The following UGGT2 variants were observed in gnomAD, a reference collection of about 807,000 sequenced individuals.
The protein encoded by UGGT2 is UDP-glucose:glycoprotein glucosyltransferase 2.
UGGT2 carries 180 observed loss-of-function variants against 192.1 expected under a neutral mutation model. The observed-to-expected ratio is 0.94, with a 90% CI of 0.83 to 1.06. The LOEUF is 1.06. Ranked by LOEUF, UGGT2 falls within the 50% of genes least tolerant of loss-of-function variation. The probability of loss-of-function intolerance (pLI) is 0.00; values close to 1 mark genes in which losing one functional copy is unlikely to be tolerated. For synonymous variants in UGGT2, 580 were observed against 591.0 expected (o/e 0.98, Z 0.27); for missense variants, 1,849 against 1,795.7 (o/e 1.03, Z -0.54).
At chr13:96,019,906 G>A (rs1254009986) in intron 4 of UGGT2, among the ~76,000 whole-genome samples, 2 of 152,178 alleles carry the variant, frequency 1.3e-5, no homozygotes, top group Non-Finnish European at 2.9e-5. Flanking sequence ...AGCCCGAAGA[G>A]CCCACCAGCT....
intron 1 of UGGT2, among the ~76,000 whole-genome samples, chr13:96,039,390 G>A (rs949432104): frequency 8.6e-5 from 13 of 152,012 alleles, no homozygotes; most frequent in African/African-American, 2.2e-4. Context: ...ATCATTACAC[G>A]GATCCTCCCC....
rs188715197 is a variant in UGGT2 at position 95,856,559 on chromosome 13, G to A, written c.3826-219C>T. ...TATAAATAAAACTATATAATTTAAC[G>A]TCATTAAAAATAAGTGCACTATATT... On this transcript the variant is annotated intron_variant, in intron 33 of 38. Coordinates refer to ENST00000376747, the MANE Select transcript of UGGT2 (RefSeq NM_020121.4). 373 of 497,818 alleles carry A rather than the reference G, an allele frequency of 7.5e-4. 1 individual carries two copies. Among genetic ancestry groups the A allele is most frequent in the Non-Finnish European group, 9.2e-4 (267 of 289,022 alleles). The allele number at this position is 497,818 out of a possible 1,614,324, so 30.8% of individuals were successfully genotyped here. A position where few individuals can be genotyped will look rare whatever the true frequency, so the allele number is the denominator to read the frequency against.
chr13:95,870,385 T>C (rs1010443908), intron 29 of UGGT2, among the ~76,000 whole-genome samples: 1 of 152,212 alleles, frequency 6.6e-6, no homozygotes, highest in African/African-American at 2.4e-5. Flanking sequence ...TTGCATGTTA[T>C]TTGGAACTTA....
intron 38 of UGGT2, among the ~76,000 whole-genome samples, chr13:95,831,256 C>T (rs929966468): frequency 1.3e-5 from 2 of 152,044 alleles, no homozygotes; most frequent in South Asian, 4.1e-4. Context: ...TGCACATATA[C>T]CCTAGAACTT....
chr13:96,035,621 C>A (rs1275112604), intron 1 of UGGT2, among the ~76,000 whole-genome samples: 1 of 151,876 alleles, frequency 6.6e-6, no homozygotes, highest in Non-Finnish European at 1.5e-5. Flanking sequence ...AGTGAACACA[C>A]AACCTACAGA....
chr13:96,002,142 G>A (rs2051826830), intron 5 of UGGT2, among the ~76,000 whole-genome samples: 1 of 152,132 alleles, frequency 6.6e-6, no homozygotes, highest in Non-Finnish European at 1.5e-5. Context: ...AGGGTAAACT[G>A]TACTTGTATC....
In UGGT2 at chr13:96,019,629, A is replaced by G. The variant is rs146870713; in HGVS notation, c.485+3411T>C. Reference sequence around the variant, plus strand: ...CTAAAGGAGTAAACCAGACTGTCAGATGGGCAAGTGCAAATTACTTTCACA... The same window carrying G: ...CTAAAGGAGTAAACCAGACTGTCAGGTGGGCAAGTGCAAATTACTTTCACA... On this transcript the variant is annotated intron_variant, in intron 4 of 38. Transcript: ENST00000376747. Among the ~76,000 whole-genome samples, 711 of 152,326 alleles carry G rather than the reference A, an allele frequency of 4.7e-3. 5 individuals are homozygous for G. The highest frequency in any genetic ancestry group is 0.017 in the African/African-American group (686 of 41,572).
At chr13:95,953,197 T>C (rs1333384253) in intron 12 of UGGT2, among the ~76,000 whole-genome samples, 5 of 152,222 alleles carry the variant, frequency 3.3e-5, no homozygotes, top group Admixed American at 1.3e-4. Context: ...ACCATCAAAG[T>C]GCAAAGCAAA....
At chr13:95,889,550 C>T (rs2047743040) in intron 25 of UGGT2, among the ~76,000 whole-genome samples, 1 of 152,096 alleles carries the variant, frequency 6.6e-6, no homozygotes, top group African/African-American at 2.4e-5. Context: ...AGTTGACTAC[C>T]AAAGGACAAA....
At chr13:95,948,425 A>T (rs2049953330) in intron 13 of UGGT2, among the ~76,000 whole-genome samples, 1 of 152,070 alleles carries the variant, frequency 6.6e-6, no homozygotes, top group African/African-American at 2.4e-5. Context: ...TCTATGATAA[A>T]TTTTTTCAAA....
At chr13:95,954,935 GAAACC>G (rs1594428784) in intron 12 of UGGT2, among the ~76,000 whole-genome samples, 1 of 152,122 alleles carries the variant, frequency 6.6e-6, no homozygotes, top group East Asian at 1.9e-4. Flanking sequence ...ACTGAAATCT[GAAACC>G]CTTCTGGTCC....
At chr13:95,878,279 G>T (rs910766730) in intron 27 of UGGT2, among the ~76,000 whole-genome samples, 1 of 151,900 alleles carries the variant, frequency 6.6e-6, no homozygotes, top group Non-Finnish European at 1.5e-5. Context: ...ATTATAAATT[G>T]ATCGATATAT....
At chr13:96,001,211 C>G (rs1341156627) in intron 5 of UGGT2, among the ~76,000 whole-genome samples, 1 of 152,126 alleles carries the variant, frequency 6.6e-6, no homozygotes, top group African/African-American at 2.4e-5. Flanking sequence ...AATGCCCTGC[C>G]CCACCTTAAC....
intron 30 of UGGT2, among the ~76,000 whole-genome samples, chr13:95,864,743 GTTTC>G (rs1175668333): frequency 1.3e-5 from 2 of 152,118 alleles, no homozygotes; most frequent in East Asian, 3.9e-4. Flanking sequence ...ACAATTAACT[GTTTC>G]TTTCTAGATT....
intron 20 of UGGT2, among the ~76,000 whole-genome samples, chr13:95,905,105 T>C (rs1314010150): frequency 1.3e-5 from 2 of 152,162 alleles, no homozygotes; most frequent in Non-Finnish European, 2.9e-5. Context: ...TTTTGAGAAG[T>C]GTCTGTTCAT....
intron 1 of UGGT2, among the ~76,000 whole-genome samples, chr13:96,038,543 C>T (rs572050231): frequency 7.9e-5 from 12 of 152,248 alleles, no homozygotes; most frequent in South Asian, 4.1e-4. Flanking sequence ...TCCTGGATAA[C>T]GCCATGTTTG....
chr13:96,003,161 A>AAACTTATT (rs1235159783), intron 5 of UGGT2, among the ~76,000 whole-genome samples: 1 of 152,122 alleles, frequency 6.6e-6, no homozygotes, highest in Non-Finnish European at 1.5e-5. Context: ...TTGCTTCCCT[A>AAACTTATT]AACTTATTGT....
At chr13:95,962,843 T>C (rs2050442416) in intron 12 of UGGT2, among the ~76,000 whole-genome samples, 1 of 151,986 alleles carries the variant, frequency 6.6e-6, no homozygotes, top group African/African-American at 2.4e-5. Flanking sequence ...GGAAAAAGGG[T>C]TCAAAGGACT....
At chr13:96,023,888 G>A (rs1379442275) in intron 2 of UGGT2, 129 bp from the exon 3 acceptor site, 4 of 668,628 alleles carry the variant, frequency 6.0e-6, no homozygotes, top group Non-Finnish European at 6.4e-6. Flanking sequence ...TAATGCTAGA[G>A]AAAAATGGAA....
Sources: allele counts gnomAD v4.1 joint callset (sites outside exome capture counted in the v4.1 genomes callset), GRCh38; gene constraint gnomAD v4.1.1; transcripts MANE v1.5; gene names NCBI Gene and HGNC (gene_info 2026-07-23, HGNC 2026-07-21).